The following ATP8B1 variants were observed in gnomAD, a reference collection of about 807,000 sequenced individuals.
ATP8B1 encodes phospholipid-transporting ATPase IC.
ATP8B1 carries 80 observed loss-of-function variants against 149.9 expected under a neutral mutation model. The observed-to-expected ratio is 0.53, with a 90% CI of 0.45 to 0.64. ATP8B1 has a LOEUF of 0.64. Among genes scored for constraint, ATP8B1 ranks in the 30% least tolerant of loss-of-function variants. ATP8B1 has a pLI of 0.00. For synonymous variants in ATP8B1, 536 were observed against 562.8 expected, an observed-to-expected ratio of 0.95 and a Z score of 0.67; for missense variants, 1,247 against 1,552.6, an observed-to-expected ratio of 0.80 and a Z score of 3.31.
intron 1 of ATP8B1, among the ~76,000 whole-genome samples, chr18:57,746,358 G>A (rs1031758746): frequency 1.3e-5 from 2 of 151,918 alleles, no homozygotes; most frequent in African/African-American, 4.8e-5. Flanking sequence ...ACATATTGAG[G>A]TTTCAACCAG....
chr18:57,759,155 CAAAAAAAA>C (rs566728161), intron 1 of ATP8B1, among the ~76,000 whole-genome samples: 11 of 106,300 alleles, frequency 1.0e-4, no homozygotes, highest in South Asian at 3.5e-4. Flanking sequence ...GATTCCATCT[CAAAAAAAA>C]AAAAAAAAAA....
intron 20 of ATP8B1, among the ~76,000 whole-genome samples, chr18:57,666,288 G>A (rs901173635): frequency 6.6e-6 from 1 of 151,920 alleles, no homozygotes; most frequent in Non-Finnish European, 1.5e-5. Context: ...GCTAACAAAC[G>A]TTTCAGCATA....
intron 2 of ATP8B1, among the ~76,000 whole-genome samples, chr18:57,707,088 C>T (rs55647012): frequency 0.32 from 48,606 of 152,028 alleles, 9,247 homozygotes; most frequent in Middle Eastern, 0.49. Context: ...GGGTGAATCA[C>T]GAGGTCAGGA....
At chr18:57,740,178 T>C (rs769046525) in intron 1 of ATP8B1, among the ~76,000 whole-genome samples, 17 of 151,916 alleles carry the variant, frequency 1.1e-4, no homozygotes, top group Non-Finnish European at 2.5e-4. Context: ...GCAACCTTCG[T>C]CTCCTGGGTT....
chr18:57,678,346 G>A (rs1911722494), intron 15 of ATP8B1, among the ~76,000 whole-genome samples: 1 of 152,164 alleles, frequency 6.6e-6, no homozygotes, highest in South Asian at 2.1e-4. Context: ...CCAGCACTTT[G>A]GGAGGCTGAG....
intron 1 of ATP8B1, among the ~76,000 whole-genome samples, chr18:57,791,481 G>T (rs1006486312): frequency 2.6e-5 from 4 of 151,282 alleles, no homozygotes; most frequent in African/African-American, 7.3e-5. Flanking sequence ...CTCCCGAGTA[G>T]CTAGGATTAC....
At chr18:57,766,757 G>A (rs2080214734) in intron 1 of ATP8B1, among the ~76,000 whole-genome samples, 2 of 152,182 alleles carry the variant, frequency 1.3e-5, no homozygotes, top group Admixed American at 1.3e-4. Context: ...GGAGGGACTT[G>A]TAGGTAAAGA....
chr18:57,697,009 C>A (rs571204129), intron 8 of ATP8B1, among the ~76,000 whole-genome samples: 48 of 152,148 alleles, frequency 3.2e-4, no homozygotes, highest in African/African-American at 1.1e-3. Flanking sequence ...CCCTGTAATC[C>A]CAGCAATTTG....
intron 15 of ATP8B1, among the ~76,000 whole-genome samples, chr18:57,677,246 G>A (rs1169969672): frequency 6.6e-6 from 1 of 152,120 alleles, no homozygotes; most frequent in African/African-American, 2.4e-5. Context: ...CATTACAAGA[G>A]TATTGGTTTG....
At chr18:57,711,879 C>A (rs1027051072) in intron 2 of ATP8B1, among the ~76,000 whole-genome samples, 27 of 152,146 alleles carry the variant, frequency 1.8e-4, no homozygotes, top group Non-Finnish European at 3.7e-4. Context: ...TGTGAGCCAC[C>A]GTGCCCAGAC....
chr18:57,662,263 ACC>A (rs1910504393), intron 21 of ATP8B1, among the ~76,000 whole-genome samples: 1 of 152,152 alleles, frequency 6.6e-6, no homozygotes, highest in Admixed American at 6.6e-5. Flanking sequence ...AAATGAAAAA[ACC>A]CATTAATTAG....
chr18:57,727,468 C>T (rs929966014), intron 2 of ATP8B1, among the ~76,000 whole-genome samples: 1 of 152,118 alleles, frequency 6.6e-6, no homozygotes, highest in Non-Finnish European at 1.5e-5. Context: ...AAAGACCCCA[C>T]ATTCTTAATT....
chr18:57,757,551 A>G (rs547157623), intron 1 of ATP8B1, among the ~76,000 whole-genome samples: 1 of 152,320 alleles, frequency 6.6e-6, no homozygotes, highest in South Asian at 2.1e-4. Context: ...ACGCATGTAC[A>G]TGGGAATACT....
chr18:57,671,725 C>T, intron 16 of ATP8B1, 145 bp from the exon 17 acceptor site: 1 of 648,378 alleles, frequency 1.5e-6, no homozygotes, highest in Non-Finnish European at 2.8e-6. Context: ...CAGGCTCAAG[C>T]AATCCTCCCA....
chr18:57,756,287 ATG>A (rs111240005), intron 1 of ATP8B1, among the ~76,000 whole-genome samples: 1 of 78,926 alleles, frequency 1.3e-5, no homozygotes. Context: ...CAACATATAT[ATG>A]TGTGTGTGTA....
rs1238634935 is a variant in ATP8B1, at chr18:57,647,335, C to T, written c.*1153G>A. ...ATGTGCTATCTCACCTAGTAGTAAA[C>T]TAAAAATAAACTGAAACTTTATGGA... On this transcript the variant is annotated 3_prime_UTR_variant, in exon 28 of 28. Coordinates refer to ENST00000648908, the MANE Select transcript of ATP8B1 (RefSeq NM_001374385.1). The T allele has an allele frequency of 6.6e-6, 1 of 152,040 alleles. No homozygotes were observed. The highest frequency in any genetic ancestry group is 1.5e-5 in the Non-Finnish European group (1 of 68,010). 9.4% of individuals were successfully genotyped at this position (152,040 alleles called of 1,614,324 possible). A position where few individuals can be genotyped will look rare whatever the true frequency, so the allele number is the denominator to read the frequency against.
chr18:57,684,254 C>T (rs1163647864), intron 14 of ATP8B1, 62 bp from the exon 15 acceptor site: 1 of 1,526,670 alleles, frequency 6.6e-7, no homozygotes, highest in African/African-American at 1.4e-5. Context: ...TAACAAATGA[C>T]ATGAACTTTT....
chr18:57,659,153 G>A (rs1910220846), intron 22 of ATP8B1, among the ~76,000 whole-genome samples: 1 of 152,132 alleles, frequency 6.6e-6, no homozygotes, highest in African/African-American at 2.4e-5. Context: ...GCTCATGCCT[G>A]TAGTCCCAGC....
chr18:57,698,736 G>C (rs1462148726), intron 6 of ATP8B1, among the ~76,000 whole-genome samples: 1 of 152,186 alleles, frequency 6.6e-6, no homozygotes, highest in Non-Finnish European at 1.5e-5. Context: ...TTGTCTGATG[G>C]AGCTTTGTGT....
Sources: gnomAD v4.1 joint callset for allele counts (sites outside exome capture counted in the v4.1 genomes callset) on GRCh38, gnomAD v4.1.1 for gene constraint, MANE v1.5 for transcripts, NCBI Gene and HGNC (gene_info 2026-07-23, HGNC 2026-07-21) for gene names.